The following GRIA3 variants were observed in gnomAD, a reference collection of about 807,000 sequenced individuals.
GRIA3 encodes glutamate receptor 3.
A neutral mutation model predicts 63.0 loss-of-function variants in GRIA3; 3 were observed. That is an observed-to-expected ratio of 0.05 (90% CI 0.02 to 0.12). GRIA3 has a LOEUF of 0.12. Ranked by LOEUF, GRIA3 falls within the 10% of genes least tolerant of loss-of-function variation. The pLI is 1.00. For synonymous variants in GRIA3, 274 were observed against 257.9 expected (o/e 1.06, Z -0.60); for missense variants, 347 against 700.9 (o/e 0.50, Z 5.70).
intron 5 of GRIA3, among the ~76,000 whole-genome samples, chrX:123,361,588 T>C (rs1477194111): frequency 9.0e-6 from 1 of 111,668 alleles, no homozygotes; most frequent in Non-Finnish European, 1.9e-5. Flanking sequence ...CTTCCTGCCA[T>C]GCATTTCAAA....
At chrX:123,222,311 T>A (rs1194510811) in intron 2 of GRIA3, among the ~76,000 whole-genome samples, 5 of 112,464 alleles carry the variant, frequency 4.4e-5, no homozygotes, top group Admixed American at 1.9e-4. Context: ...ACTCTGTTTC[T>A]CCCACCATGT....
At chrX:123,215,366 T>A (rs1474463600) in intron 2 of GRIA3, among the ~76,000 whole-genome samples, 1 of 112,123 alleles carries the variant, frequency 8.9e-6, no homozygotes, top group African/African-American at 3.2e-5. Flanking sequence ...AGGGAGCCAC[T>A]GTGAGAACTA....
At chrX:123,208,645 T>C (rs1240101263) in intron 2 of GRIA3, among the ~76,000 whole-genome samples, 1 of 112,177 alleles carries the variant, frequency 8.9e-6, no homozygotes, top group Admixed American at 9.4e-5. Context: ...CATCGAATCA[T>C]AGGCTGATTG....
intron 3 of GRIA3, among the ~76,000 whole-genome samples, chrX:123,318,988 C>T (rs914541528): frequency 1.8e-5 from 2 of 111,641 alleles, no homozygotes; most frequent in African/African-American, 3.3e-5. Flanking sequence ...TACATGGCAG[C>T]GGCAAGGAAA....
chrX:123,447,974 A>T (rs1457589645), intron 12 of GRIA3, among the ~76,000 whole-genome samples: 1 of 112,303 alleles, frequency 8.9e-6, no homozygotes, highest in Admixed American at 9.4e-5. Context: ...CCTTGGAAAT[A>T]AGAGTCAGAG....
chrX:123,184,473 A>G lies in GRIA3; in HGVS notation c.-63A>G. On this transcript the variant is annotated 5_prime_UTR_variant, in exon 1 of 16. Coordinates refer to ENST00000620443, the MANE Select transcript of GRIA3 (RefSeq NM_007325.5). ...GCCAGCGAATTCTTTTTCTTTTTCT[A>G]TTATTATTTTGACGACTCCTGAGTT... is the stretch of plus-strand genomic sequence containing the variant. The G allele has an allele frequency of 5.9e-6, 5 of 847,275 alleles. No homozygotes were observed. The highest frequency in any genetic ancestry group is 5.3e-6 in the Non-Finnish European group (3 of 563,936). The allele number at this position is 847,275 out of a possible 1,213,427, so 69.8% of individuals were successfully genotyped here. A position where few individuals can be genotyped will look rare whatever the true frequency, so the allele number is the denominator to read the frequency against.
intron 2 of GRIA3, among the ~76,000 whole-genome samples, chrX:123,252,486 C>T (rs187844965): frequency 5.6e-4 from 63 of 112,029 alleles, no homozygotes; most frequent in African/African-American, 1.9e-3. Context: ...TCTACTGAAG[C>T]TAATATTAAA....
chrX:123,375,795 C>T (rs938729614), intron 5 of GRIA3, among the ~76,000 whole-genome samples: 44 of 111,679 alleles, frequency 3.9e-4, no homozygotes, highest in Non-Finnish European at 6.0e-4. Flanking sequence ...GCACTTATCT[C>T]CTAACTCTTC....
intron 2 of GRIA3, among the ~76,000 whole-genome samples, chrX:123,192,948 T>G (rs1052182083): frequency 4.5e-5 from 5 of 110,612 alleles, no homozygotes. Flanking sequence ...GGAACCACAC[T>G]TTGAGTAAGA....
intron 3 of GRIA3, among the ~76,000 whole-genome samples, chrX:123,265,980 G>A (rs2044485932): frequency 8.9e-6 from 1 of 111,748 alleles, no homozygotes; most frequent in Non-Finnish European, 1.9e-5. Context: ...CTTCTAACAA[G>A]GTTTGTCAGT....
At chrX:123,483,142 TCAAAGCATTGTC>T in intron 15 of GRIA3, 96 bp downstream of exon 15, 1 of 727,227 alleles carries the variant, frequency 1.4e-6, no homozygotes. Flanking sequence ...GGTTTATTGT[TCAAAGCATTGTC>T]TCTTTGCAAC....
At chrX:123,194,716 A>G (rs1379402958) in intron 2 of GRIA3, among the ~76,000 whole-genome samples, 1 of 112,342 alleles carries the variant, frequency 8.9e-6, no homozygotes, top group Non-Finnish European at 1.9e-5. Context: ...TATGGGCGAT[A>G]CTAACGCATA....
intron 13 of GRIA3, among the ~76,000 whole-genome samples, chrX:123,468,494 A>T (rs2045846151): frequency 8.9e-6 from 1 of 112,216 alleles, no homozygotes; most frequent in African/African-American, 3.2e-5. Flanking sequence ...TAAGAGAACA[A>T]ACCCTTTTCA....
intron 3 of GRIA3, among the ~76,000 whole-genome samples, chrX:123,271,592 G>A (rs186447130): frequency 1.1e-3 from 119 of 112,001 alleles, no homozygotes; most frequent in Admixed American, 6.2e-3. Context: ...CTCAGCTTCA[G>A]AGAAAGTTTT....
intron 4 of GRIA3, among the ~76,000 whole-genome samples, chrX:123,353,871 T>C: frequency 9.0e-6 from 1 of 111,644 alleles, no homozygotes; most frequent in Non-Finnish European, 1.9e-5. Context: ...CAGTACTCAA[T>C]AAAAATCCTC....
At chrX:123,254,927 G>C (rs1157055514) in intron 3 of GRIA3, among the ~76,000 whole-genome samples, 1 of 111,169 alleles carries the variant, frequency 9.0e-6, no homozygotes, top group Non-Finnish European at 1.9e-5. Context: ...CTGACACTTT[G>C]TATCTTGCTA....
intron 10 of GRIA3, among the ~76,000 whole-genome samples, chrX:123,406,675 C>G (rs1444593450): frequency 9.0e-6 from 1 of 111,721 alleles, no homozygotes. Context: ...GGCCTGGAGC[C>G]ATCATCTCCT....
chrX:123,349,045 A>G (rs1235760995), intron 4 of GRIA3, among the ~76,000 whole-genome samples: 1 of 111,778 alleles, frequency 8.9e-6, no homozygotes, highest in Non-Finnish European at 1.9e-5. Flanking sequence ...AGTTGTATTT[A>G]TTTTCTTGTA....
chrX:123,240,419 A>G (rs1216316514), intron 2 of GRIA3, among the ~76,000 whole-genome samples: 5 of 111,354 alleles, frequency 4.5e-5, no homozygotes, highest in Non-Finnish European at 9.4e-5. Context: ...GGTTGTATGG[A>G]TTTTTAATGC....
Sources: gnomAD v4.1 joint callset for allele counts (sites outside exome capture counted in the v4.1 genomes callset) on GRCh38, gnomAD v4.1.1 for gene constraint, MANE v1.5 for transcripts, NCBI Gene and HGNC (gene_info 2026-07-23, HGNC 2026-07-21) for gene names.